KCNK2: variants seen among roughly 807,000 people sequenced by gnomAD.
KCNK2 encodes potassium two pore domain channel subfamily K member 2, also known as potassium channel subfamily K member 2.
Under a neutral mutation model 40.5 loss-of-function variants are expected in KCNK2, and 21 were observed. That is an observed-to-expected ratio of 0.52 (90% confidence interval 0.37 to 0.75). The LOEUF is 0.75. KCNK2 is among the 30% of genes least tolerant of loss of function. The pLI is 0.00. For missense variants in KCNK2, 399 were observed against 531.6 expected (o/e 0.75, Z 2.45); for synonymous variants, 191 against 202.2 (o/e 0.94, Z 0.47).
intron 5 of KCNK2, among the ~76,000 whole-genome samples, chr1:215,190,049 A>T (rs937475598): frequency 1.3e-5 from 2 of 152,236 alleles, no homozygotes; most frequent in Non-Finnish European, 2.9e-5. Context: ...GATGTATGGA[A>T]CTGATAACCT....
At chr1:215,082,199 A>G (rs925803191), upstream of KCNK2, 2 of 152,356 alleles carry the variant, frequency 1.3e-5, no homozygotes, top group African/African-American at 4.8e-5. Context: ...CGCCCAGCTC[A>G]TGTCCAGCAC....
intron 2 of KCNK2, among the ~76,000 whole-genome samples, chr1:215,115,905 C>T (rs905982089): frequency 4.6e-5 from 7 of 151,282 alleles, no homozygotes; most frequent in African/African-American, 1.7e-4. Context: ...AGTGTGCTTG[C>T]TTCACATATG....
chr1:215,068,307 C>T (rs1658629338), intron 1 of KCNK2, among the ~76,000 whole-genome samples: 1 of 152,144 alleles, frequency 6.6e-6, no homozygotes, highest in African/African-American at 2.4e-5. Flanking sequence ...TTAAGATTCA[C>T]ATTGCCAGAA....
chr1:215,177,740 A>ATATTTATT (rs71167812), intron 5 of KCNK2, among the ~76,000 whole-genome samples: 2 of 101,600 alleles, frequency 2.0e-5, no homozygotes, highest in Admixed American at 2.4e-4. Flanking sequence ...ATATATATAT[A>ATATTTATT]TTTTTTTTTT....
intron 5 of KCNK2, among the ~76,000 whole-genome samples, chr1:215,174,446 C>T (rs1390010493): frequency 7.2e-5 from 11 of 152,096 alleles, no homozygotes; most frequent in Non-Finnish European, 1.6e-4. Flanking sequence ...ATTGACTTGG[C>T]AATGCGGGCT....
upstream of KCNK2, among the ~76,000 whole-genome samples, chr1:215,078,974 A>G (rs941951962): frequency 6.6e-6 from 1 of 152,230 alleles, no homozygotes; most frequent in East Asian, 1.9e-4. Context: ...GACATTTTGA[A>G]TAGGCCAAGG....
At chr1:215,212,830 C>A (rs568503918) in intron 6 of KCNK2, among the ~76,000 whole-genome samples, 1 of 152,262 alleles carries the variant, frequency 6.6e-6, no homozygotes, top group East Asian at 1.9e-4. Flanking sequence ...TCCCTTTGAT[C>A]CACTTAGGAA....
chr1:215,169,130 G>A, intron 3 of KCNK2, 69 bp from the exon 4 acceptor site: 1 of 1,303,708 alleles, frequency 7.7e-7, no homozygotes, highest in Non-Finnish European at 1.1e-6. Flanking sequence ...TGGAGTTTCT[G>A]AATCAATCTT....
chr1:215,086,135 T>C (rs905510892), intron 1 of KCNK2, among the ~76,000 whole-genome samples: 6 of 152,132 alleles, frequency 3.9e-5, no homozygotes, highest in African/African-American at 1.4e-4. Context: ...TCCAGTTTTT[T>C]TCCTCTCATT....
intron 1 of KCNK2, among the ~76,000 whole-genome samples, chr1:215,020,608 T>C (rs1394229921): frequency 1.3e-5 from 2 of 152,072 alleles, no homozygotes. Flanking sequence ...TGTATTTTAG[T>C]AGGCACGAGA....
intron 1 of KCNK2, among the ~76,000 whole-genome samples, chr1:215,046,257 A>G (rs1343039538): frequency 6.6e-6 from 1 of 152,142 alleles, no homozygotes; most frequent in Non-Finnish European, 1.5e-5. Context: ...TTTAATAGAG[A>G]TGGCCCTTGG....
At chr1:215,194,516 G>A (rs1439616316) in intron 5 of KCNK2, among the ~76,000 whole-genome samples, 1 of 152,152 alleles carries the variant, frequency 6.6e-6, no homozygotes, top group Non-Finnish European at 1.5e-5. Flanking sequence ...TTGGCATTAA[G>A]TTGATTAGCT....
chr1:215,083,195 C>CT lies in KCNK2; in HGVS notation c.-191_-190insT. The CT allele has an allele frequency of 2.2e-5, 5 of 224,722 alleles. No homozygotes were observed. The highest frequency in any genetic ancestry group is 2.1e-3 in the Middle Eastern group (1 of 466). 13.9% of individuals were successfully genotyped at this position (224,722 alleles called of 1,614,324 possible). Reference sequence around the variant, plus strand: ...CCGCGATTTCGTTTCTTCTCACGCTCCCCCCCCCGCCCCCTCCCGCGTCCA... The same window carrying CT: ...CCGCGATTTCGTTTCTTCTCACGCTCTCCCCCCCCGCCCCCTCCCGCGTCCA... On this transcript the variant is annotated 5_prime_UTR_variant, in exon 1 of 7. Transcript: ENST00000444842.
chr1:215,033,611 C>T (rs1160291189), intron 1 of KCNK2, among the ~76,000 whole-genome samples: 1 of 152,136 alleles, frequency 6.6e-6, no homozygotes, highest in Admixed American at 6.6e-5. Flanking sequence ...TTCACACCTG[C>T]TTCTCAGTGC....
chr1:215,139,387 T>C (rs879674449), intron 3 of KCNK2, among the ~76,000 whole-genome samples: 3 of 152,236 alleles, frequency 2.0e-5, no homozygotes, highest in Non-Finnish European at 4.4e-5. Flanking sequence ...AGATTTGCTT[T>C]ATTGTTTTAG....
At chr1:215,082,575 G>A (rs1357065572), upstream of KCNK2, among the ~76,000 whole-genome samples, 2 of 152,122 alleles carry the variant, frequency 1.3e-5, no homozygotes, top group East Asian at 1.9e-4. Context: ...GTGAGCCAAG[G>A]GGTTGTGCCC....
intron 1 of KCNK2, among the ~76,000 whole-genome samples, chr1:215,061,758 T>TA (rs201182008): frequency 0.012 from 1,790 of 151,812 alleles, 17 homozygotes; most frequent in Middle Eastern, 0.048. Context: ...CATTTTTTTT[T>TA]AAAAAAAATT....
At chr1:215,175,250 G>A (rs1322325031) in intron 5 of KCNK2, among the ~76,000 whole-genome samples, 1 of 152,094 alleles carries the variant, frequency 6.6e-6, no homozygotes, top group Non-Finnish European at 1.5e-5. Flanking sequence ...AGGTACTGGA[G>A]ATTAGGACTT....
intron 1 of KCNK2, among the ~76,000 whole-genome samples, chr1:215,084,268 G>A (rs1025966102): frequency 2.0e-5 from 3 of 151,464 alleles, no homozygotes; most frequent in Admixed American, 6.6e-5. Flanking sequence ...ATGGCCATGT[G>A]GCAATGTCTT....
Sources: allele counts gnomAD v4.1 joint callset (sites outside exome capture counted in the v4.1 genomes callset), GRCh38; gene constraint gnomAD v4.1.1; transcripts MANE v1.5; gene names NCBI Gene and HGNC (gene_info 2026-07-23, HGNC 2026-07-21).